Variants in JAKMIP3 observed in about 807,000 individuals in gnomAD.
JAKMIP3 encodes janus kinase and microtubule-interacting protein 3.
JAKMIP3 carries 58 observed loss-of-function variants against 118.5 expected under a neutral mutation model. That is an observed-to-expected ratio of 0.49 (90% CI 0.40 to 0.61). JAKMIP3 has a LOEUF of 0.61. JAKMIP3 is among the 20% of genes least tolerant of loss of function. The probability of loss-of-function intolerance (pLI) is 0.00; values close to 1 mark genes in which losing one functional copy is unlikely to be tolerated. For missense variants in JAKMIP3, 950 were observed against 1,109.0 expected, an observed-to-expected ratio of 0.86 and a Z score of 2.04; for synonymous variants, 486 against 451.2, an observed-to-expected ratio of 1.08 and a Z score of -0.98.
At chr10:132,129,322 A>G (rs2050159987) in intron 3 of JAKMIP3, among the ~76,000 whole-genome samples, 1 of 152,304 alleles carries the variant, frequency 6.6e-6, no homozygotes, top group Non-Finnish European at 1.5e-5. Context: ...CTCGACAGCC[A>G]TGTGCAGCCA....
intron 2 of JAKMIP3, among the ~76,000 whole-genome samples, chr10:132,114,397 A>T (rs1237455091): frequency 6.6e-6 from 1 of 151,874 alleles, no homozygotes; most frequent in African/African-American, 2.4e-5. Flanking sequence ...TAATTAATTT[A>T]TTTTTTTTGT....
chr10:132,051,171 C>T (rs1228845631), intron 1 of JAKMIP3, among the ~76,000 whole-genome samples: 1 of 149,668 alleles, frequency 6.7e-6, no homozygotes, highest in East Asian at 2.0e-4. Context: ...TTAATTCCAG[C>T]CATTCTGGTG....
Position 132,112,938 on chromosome 10 carries a change from GAC to G in JAKMIP3, c.136-4137_136-4136del, listed in dbSNP as rs1296761898. On this transcript the variant is annotated intron_variant, in intron 2 of 23. Coordinates refer to ENST00000684848, the MANE Select transcript of JAKMIP3 (RefSeq NM_001323087.2). This position sits in a 1 kb window ranked among gnomAD's most constrained non-coding sequence, Gnocchi z 4.3. ...CTTTCCTACTCCTTAGAAAAAAATAGACAGTTCTCATCAGAGAGCATGCACAG... is the reference window on the plus strand; with the variant it reads ...CTTTCCTACTCCTTAGAAAAAAATAGAGTTCTCATCAGAGAGCATGCACAG... 5.9e-5 allele frequency among the ~76,000 whole-genome samples: 9 copies of G among 152,268 alleles called. No homozygotes were observed. The highest frequency in any genetic ancestry group is 2.2e-4 in the African/African-American group (9 of 41,546).
chr10:132,119,792 G>T (rs918289148), intron 3 of JAKMIP3, among the ~76,000 whole-genome samples: 1 of 152,158 alleles, frequency 6.6e-6, no homozygotes, highest in Non-Finnish European at 1.5e-5. Flanking sequence ...TTAGCAGAGG[G>T]TATAATCATG....
chr10:132,146,129 G>GCCCCCCCCCCCCCCCC (rs2054556301), intron 13 of JAKMIP3, among the ~76,000 whole-genome samples: 1 of 100,018 alleles, frequency 1.0e-5, no homozygotes. Flanking sequence ...GTGCTGCCCC[G>GCCCCCCCCCCCCCCCC]CCCCCACCCC....
chr10:132,147,598 G>A (rs764051142), intron 13 of JAKMIP3, among the ~76,000 whole-genome samples: 4 of 152,158 alleles, frequency 2.6e-5, no homozygotes, highest in African/African-American at 4.8e-5. Context: ...TAAGGCCCCC[G>A]TGCTCCTGGC....
intron 2 of JAKMIP3, among the ~76,000 whole-genome samples, chr10:132,107,621 C>T (rs2046114556): frequency 6.6e-6 from 1 of 152,236 alleles, no homozygotes; most frequent in Admixed American, 6.5e-5. Context: ...TGAGCCCTGC[C>T]TCCTCAAGCG....
chr10:132,175,835 G>T (rs1380320875), intron 23 of JAKMIP3, among the ~76,000 whole-genome samples: 1 of 152,210 alleles, frequency 6.6e-6, no homozygotes, highest in Non-Finnish European at 1.5e-5. Context: ...TCACTTAAAA[G>T]AAATGTGTAA....
At chr10:132,147,404 G>A (rs1380120458) in intron 13 of JAKMIP3, among the ~76,000 whole-genome samples, 9 of 152,276 alleles carry the variant, frequency 5.9e-5, no homozygotes, top group East Asian at 1.9e-4. Flanking sequence ...TCCTGCATCC[G>A]GTTTACTCGT....
At chr10:132,111,154 CT>C (rs1174966593) in intron 2 of JAKMIP3, among the ~76,000 whole-genome samples, 1 of 152,236 alleles carries the variant, frequency 6.6e-6, no homozygotes, top group Non-Finnish European at 1.5e-5. Context: ...AGGGGCCTGC[CT>C]AGAGGTGGGA....
At chr10:132,153,265 C>T (rs569436853) in intron 17 of JAKMIP3, among the ~76,000 whole-genome samples, 1 of 152,320 alleles carries the variant, frequency 6.6e-6, no homozygotes, top group South Asian at 2.1e-4. Flanking sequence ...GCGTTTCCTC[C>T]CAAAGGCGGG....
At chr10:132,092,264 G>A (rs2043196272) in intron 1 of JAKMIP3, among the ~76,000 whole-genome samples, 1 of 152,132 alleles carries the variant, frequency 6.6e-6, no homozygotes, top group African/African-American at 2.4e-5. Flanking sequence ...CTCTTCTTGA[G>A]GAGTATCTTT....
rs1350701218 is a variant in JAKMIP3 at position 132,049,273 on chromosome 10, ACT to A, written c.-138+12536_-138+12537del. On this transcript the variant is annotated intron_variant, in intron 1 of 23. Transcript: ENST00000657785. This position sits in a 1 kb window ranked among gnomAD's most constrained non-coding sequence, Gnocchi z 4.3. The stretch of plus-strand genomic sequence containing the variant: ...CGGGAGCACAGCTATAGCTATGAGC[ACT>A]GACCCACGGCTTTGCTTCCCTTCCT... Among the ~76,000 whole-genome samples, 1 of 152,184 alleles carries A rather than the reference ACT, an allele frequency of 6.6e-6. No homozygotes were observed. Among genetic ancestry groups the A allele is most frequent in the African/African-American group, 2.4e-5 (1 of 41,446 alleles).
At chr10:132,081,037 G>T (rs998020551) in intron 1 of JAKMIP3, among the ~76,000 whole-genome samples, 3 of 152,160 alleles carry the variant, frequency 2.0e-5, no homozygotes, top group Admixed American at 2.0e-4. Flanking sequence ...TAAGTGTCAT[G>T]AAACTTTTGC....
intron 1 of JAKMIP3, among the ~76,000 whole-genome samples, chr10:132,039,890 C>T (rs1399068486): frequency 6.6e-6 from 1 of 152,380 alleles, no homozygotes; most frequent in East Asian, 1.9e-4. Flanking sequence ...TCTCACTGCT[C>T]CCCAAGTCTT....
chr10:132,153,156 G>A lies in JAKMIP3; in HGVS notation c.2073+133G>A, dbSNP rs531480963. Reference sequence around the variant, plus strand: ...TTGGGGGGTCCACTAAGCCCCGTCTGCCCTGGGAGATCTGACACACTCAGG... The same window carrying A: ...TTGGGGGGTCCACTAAGCCCCGTCTACCCTGGGAGATCTGACACACTCAGG... On this transcript the variant is annotated intron_variant, in intron 17 of 23. Coordinates refer to ENST00000684848, the MANE Select transcript of JAKMIP3 (RefSeq NM_001323087.2). The A allele has an allele frequency of 2.3e-4, 154 of 680,780 alleles. No individual in the cohort carries two copies. In the African/African-American group the frequency reaches 2.5e-3, roughly 11 times the overall value. 42.2% of individuals were successfully genotyped at this position (680,780 alleles called of 1,614,324 possible).
intron 23 of JAKMIP3, among the ~76,000 whole-genome samples, chr10:132,180,584 C>CGTGCGT (rs1485915300): frequency 1.0e-4 from 1 of 9,864 alleles, no homozygotes; most frequent in African/African-American, 4.6e-4. Flanking sequence ...TGTGTGCGTG[C>CGTGCGT]GCGTGTGTGT....
At chr10:132,094,189 T>C (rs1021227730) in intron 1 of JAKMIP3, among the ~76,000 whole-genome samples, 41 of 152,144 alleles carry the variant, frequency 2.7e-4, no homozygotes, top group East Asian at 1.9e-4. Flanking sequence ...TTTCCTTAAA[T>C]TGGGCTTTGC....
rs1486278952 is a variant in JAKMIP3 at position 132,183,988 on chromosome 10, A to G, written c.*2735A>G. 6.6e-6 allele frequency: 1 copy of G among 152,240 alleles called. No homozygotes were observed. The highest frequency in any genetic ancestry group is 1.5e-5 in the Non-Finnish European group (1 of 68,044). 9.4% of individuals were successfully genotyped at this position (152,240 alleles called of 1,614,324 possible). A position where few individuals can be genotyped will look rare whatever the true frequency, so the allele number is the denominator to read the frequency against. ...TACTGCTAGCTCTTCTAACAGGGGA[A>G]GTCTGTATGAATGCATCACCCCCTA... On this transcript the variant is annotated 3_prime_UTR_variant, in exon 24 of 24. Transcript: ENST00000684848.
Sources: allele counts gnomAD v4.1 joint callset (sites outside exome capture counted in the v4.1 genomes callset), GRCh38; gene constraint gnomAD v4.1.1; non-coding constraint Gnocchi (gnomAD v3.1); transcripts MANE v1.5; gene names NCBI Gene and HGNC (gene_info 2026-07-23, HGNC 2026-07-21).